GLIPR1L1: variants seen among roughly 807,000 people sequenced by gnomAD.
The protein encoded by GLIPR1L1 is GLIPR1 like 1.
GLIPR1L1 carries 26 observed loss-of-function variants against 29.9 expected under a neutral mutation model. The ratio of observed to expected loss-of-function variants is 0.87; its 90% confidence interval spans 0.64 to 1.21. The LOEUF (loss-of-function observed/expected upper bound fraction) is 1.21, where lower values mean the gene tolerates loss of function less well. Among genes scored for constraint, GLIPR1L1 ranks in the 50% most tolerant of loss-of-function variants. The pLI is 0.00. For missense variants in GLIPR1L1, 305 were observed against 290.3 expected (o/e 1.05, Z -0.37); for synonymous variants, 77 against 97.5 (o/e 0.79, Z 1.24).
At chr12:75,341,221 A>G (rs2042082897) in intron 1 of GLIPR1L1, among the ~76,000 whole-genome samples, 1 of 152,182 alleles carries the variant, frequency 6.6e-6, no homozygotes, top group African/African-American at 2.4e-5. Context: ...GACTCTATAC[A>G]TGTTTGTAAT....
chr12:75,357,267 G>A (rs1403489790), intron 3 of GLIPR1L1, among the ~76,000 whole-genome samples: 1 of 152,074 alleles, frequency 6.6e-6, no homozygotes, highest in East Asian at 1.9e-4. Flanking sequence ...TATTATCAGA[G>A]ATAAATTTCA....
chr12:75,338,509 AT>A (rs895120641), intron 1 of GLIPR1L1, among the ~76,000 whole-genome samples: 2 of 151,200 alleles, frequency 1.3e-5, no homozygotes, highest in South Asian at 2.1e-4. Context: ...CTTTTATTTC[AT>A]TTTTTTTCCA....
chr12:75,349,941 A>G (rs1427489603), intron 3 of GLIPR1L1, among the ~76,000 whole-genome samples: 1 of 152,124 alleles, frequency 6.6e-6, no homozygotes, highest in Non-Finnish European at 1.5e-5. Flanking sequence ...CTTACATTGG[A>G]CTCCCTGCTG....
intron 3 of GLIPR1L1, chr12:75,360,384 C>T (rs1255962381): frequency 6.6e-6 from 1 of 152,118 alleles, no homozygotes; most frequent in Non-Finnish European, 1.5e-5. Flanking sequence ...CCTGTAAAAT[C>T]AAAAACAAGT....
chr12:75,338,594 T>C (rs1438189037), intron 1 of GLIPR1L1, among the ~76,000 whole-genome samples: 1 of 152,172 alleles, frequency 6.6e-6, no homozygotes, highest in Non-Finnish European at 1.5e-5. Context: ...AAAGTTATTT[T>C]TTTTTTCAGT....
Position 75,343,858 on chromosome 12 carries a change from A to G in GLIPR1L1, c.340A>G (p.Ile114Val). 2 of 1,612,074 alleles carry G rather than the reference A, an allele frequency of 1.2e-6. No homozygotes were observed. Among genetic ancestry groups the G allele is most frequent in the Non-Finnish European group, 1.7e-6 (2 of 1,178,282 alleles). ...GIKSFTPRHA[I>V]TAWYNETQFY... is the part of the protein sequence containing the mutation. ...AAAGTCATTCACACCAAGACATGCC[A>G]TTACGGCTTGGTATAATGAAACCCA... Residue 114 changes from isoleucine (I) to valine (V), a missense_variant, in exon 2 of 6, where the codon ATT becomes GTT. Ile to Val is a conservative substitution (Grantham distance 29, BLOSUM62 3). Coordinates refer to ENST00000378695, the MANE Select transcript of GLIPR1L1 (RefSeq NM_001304964.2).
At chr12:75,341,747 CTT>C (rs1185408752) in intron 1 of GLIPR1L1, among the ~76,000 whole-genome samples, 114 of 83,396 alleles carry the variant, frequency 1.4e-3, no homozygotes, top group East Asian at 4.4e-3. Flanking sequence ...CGCCCGGCCT[CTT>C]TTTTTTTTTT....
intron 1 of GLIPR1L1, among the ~76,000 whole-genome samples, chr12:75,335,194 T>C (rs2041641685): frequency 6.6e-6 from 1 of 152,062 alleles, no homozygotes; most frequent in Non-Finnish European, 1.5e-5. Context: ...GAACACAGGA[T>C]TATTTTGTTT....
chr12:75,370,148 T>C lies in GLIPR1L1; in HGVS notation c.701T>C (p.Leu234Ser). The C allele has an allele frequency of 1.3e-6, 2 of 1,591,722 alleles. No homozygotes were observed. Among genetic ancestry groups the C allele is most frequent in the Non-Finnish European group, 1.7e-6 (2 of 1,161,582 alleles). Residue 234 changes from leucine (L) to serine (S), a missense_variant, in exon 6 of 6, where the codon TTA becomes TCA. By Grantham distance (145) the Leu-to-Ser change is moderately radical. Transcript: ENST00000378695. ...PQQTAFNPFS[L>S]GFLLLRIF ...CAGACAGCCTTTAATCCATTCAGCTTAGGTTTTCTTCTTCTGAGAATCTTT... is the reference window on the plus strand; with the variant it reads ...CAGACAGCCTTTAATCCATTCAGCTCAGGTTTTCTTCTTCTGAGAATCTTT...
Position 75,337,119 on chromosome 12 carries a change from A to G in GLIPR1L1, c.174+2217A>G, listed in dbSNP as rs548081152. Among the ~76,000 whole-genome samples the G allele has an allele frequency of 3.9e-5, 6 of 152,000 alleles. No individual in the cohort carries two copies. The East Asian group carries it at 9.6e-4, about 24-fold the overall frequency. On this transcript the variant is annotated intron_variant, in intron 1 of 5. Transcript: ENST00000378695. ...TATAGCAAAAGAAGTGTTTGGAAGC[A>G]TACGTATAGATTTAAATGAATATTT...
chr12:75,344,225 C>T (rs931773361), intron 2 of GLIPR1L1, among the ~76,000 whole-genome samples: 10 of 152,052 alleles, frequency 6.6e-5, no homozygotes, highest in Non-Finnish European at 1.5e-4. Context: ...TCTCTCTCTT[C>T]CCTTCCCTGG....
chr12:75,338,168 T>A lies in GLIPR1L1; in HGVS notation c.174+3266T>A, dbSNP rs183608110. Reference sequence around the variant, plus strand: ...AAAAACATTACAGGTTAGAAAATTATAGCTCAATATAGATGCAAAAAATCT... The same window carrying A: ...AAAAACATTACAGGTTAGAAAATTAAAGCTCAATATAGATGCAAAAAATCT... On this transcript the variant is annotated intron_variant, in intron 1 of 5. Coordinates refer to ENST00000378695, the MANE Select transcript of GLIPR1L1 (RefSeq NM_001304964.2). Among the ~76,000 whole-genome samples the A allele has an allele frequency of 7.2e-5, 11 of 152,282 alleles. No homozygotes were observed. In the East Asian group the frequency reaches 2.1e-3, roughly 29 times the overall value.
At chr12:75,366,621 C>G (rs1167874790) in intron 4 of GLIPR1L1, among the ~76,000 whole-genome samples, 1 of 151,684 alleles carries the variant, frequency 6.6e-6, no homozygotes, top group African/African-American at 2.4e-5. Flanking sequence ...TCTTGTCTTT[C>G]CTCTTCTTCA....
intron 4 of GLIPR1L1, among the ~76,000 whole-genome samples, chr12:75,368,851 T>TACTG (rs60738274): frequency 0.064 from 9,756 of 152,018 alleles, 426 homozygotes; most frequent in African/African-American, 0.13. Context: ...AAATTTTAAT[T>TACTG]ACTAATTTTT....
At chr12:75,364,524 C>T (rs2043834297) in intron 4 of GLIPR1L1, among the ~76,000 whole-genome samples, 1 of 152,190 alleles carries the variant, frequency 6.6e-6, no homozygotes, top group South Asian at 2.1e-4. Flanking sequence ...TTTAAATGTT[C>T]CAGCCCAGAT....
chr12:75,345,537 C>A (rs1278658199), intron 2 of GLIPR1L1, among the ~76,000 whole-genome samples: 1 of 152,084 alleles, frequency 6.6e-6, no homozygotes, highest in Non-Finnish European at 1.5e-5. Flanking sequence ...GCAACTTGTT[C>A]TTATCAGAGG....
At chr12:75,354,167 G>C (rs751619950) in intron 3 of GLIPR1L1, among the ~76,000 whole-genome samples, 2 of 46,294 alleles carry the variant, frequency 4.3e-5, no homozygotes, top group Non-Finnish European at 1.1e-4. Flanking sequence ...AGAAAAAAAA[G>C]GGGGGGGGGT....
At chr12:75,351,545 G>GTTTT (rs200327101) in intron 3 of GLIPR1L1, among the ~76,000 whole-genome samples, 2 of 148,430 alleles carry the variant, frequency 1.3e-5, no homozygotes, top group Non-Finnish European at 1.5e-5. Flanking sequence ...ACTCTGTTTT[G>GTTTT]TTTTGTTTTT....
At chr12:75,348,030 CT>C (rs2042569688) in intron 3 of GLIPR1L1, among the ~76,000 whole-genome samples, 1 of 151,894 alleles carries the variant, frequency 6.6e-6, no homozygotes, top group African/African-American at 2.4e-5. Flanking sequence ...CACAAAAAGG[CT>C]GGCAGATGCT....
Sources: gnomAD v4.1 joint callset for allele counts (sites outside exome capture counted in the v4.1 genomes callset) on GRCh38, gnomAD v4.1.1 for gene constraint, MANE v1.5 for transcripts, NCBI Gene and HGNC (gene_info 2026-07-23, HGNC 2026-07-21) for gene names.